CAPN9: variants seen among roughly 807,000 people sequenced by gnomAD.
The protein encoded by CAPN9 is calpain 9.
Under a neutral mutation model 92.8 loss-of-function variants are expected in CAPN9, and 81 were observed. The observed-to-expected ratio is 0.87, with a 90% CI of 0.73 to 1.05. The LOEUF (loss-of-function observed/expected upper bound fraction) is 1.05, where lower values mean the gene tolerates loss of function less well. CAPN9 is among the 50% of genes least tolerant of loss of function. CAPN9 has a pLI of 0.00. For synonymous variants in CAPN9, 304 were observed against 328.0 expected, an observed-to-expected ratio of 0.93 and a Z score of 0.79; for missense variants, 848 against 866.2, an observed-to-expected ratio of 0.98 and a Z score of 0.26.
intron 1 of CAPN9, among the ~76,000 whole-genome samples, chr1:230,749,190 C>T (rs1158754648): frequency 6.6e-6 from 1 of 152,202 alleles, no homozygotes; most frequent in Non-Finnish European, 1.5e-5. Context: ...CTCCCAGGCA[C>T]CTTCCTCACC....
intron 14 of CAPN9, among the ~76,000 whole-genome samples, chr1:230,790,706 C>T (rs1485263162): frequency 2.0e-5 from 3 of 152,100 alleles, no homozygotes; most frequent in Admixed American, 1.3e-4. Flanking sequence ...TTTGGGAGGC[C>T]GAGACAGGCG....
At chr1:230,773,642 C>T (rs372284399) in intron 7 of CAPN9, among the ~76,000 whole-genome samples, 1 of 152,176 alleles carries the variant, frequency 6.6e-6, no homozygotes, top group Non-Finnish European at 1.5e-5. Flanking sequence ...GCATGGCCAG[C>T]CTGTCAGGCC....
At position 230,755,339 on chromosome 1, in the gene CAPN9, A is replaced by G; in HGVS notation, c.216A>G (p.Glu72=). The part of the protein sequence containing the change: ...QIPFVWKRPG[E]IVKNPEFILG... The stretch of plus-strand genomic sequence containing the variant: ...TAATAACACTCTCATTCCTCCAGGA[A>G]ATCGTGAAAAACCCAGAATTCATTC... Residue 72 remains glutamate, a splice_region_variant and synonymous_variant, in exon 2 of 20, where the codon GAA becomes GAG. Coordinates refer to ENST00000271971, the MANE Select transcript of CAPN9 (RefSeq NM_006615.3). 2 of 1,609,970 alleles carry G rather than the reference A, an allele frequency of 1.2e-6. No individual in the cohort carries two copies. Among genetic ancestry groups the G allele is most frequent in the Non-Finnish European group, 8.5e-7 (1 of 1,177,940 alleles).
At chr1:230,762,151 G>A (rs1665687459) in intron 3 of CAPN9, among the ~76,000 whole-genome samples, 1 of 152,200 alleles carries the variant, frequency 6.6e-6, no homozygotes, top group African/African-American at 2.4e-5. Flanking sequence ...CCTCCTATGT[G>A]AATGGCCAAC....
chr1:230,798,557 G>A (rs537009844), intron 19 of CAPN9, among the ~76,000 whole-genome samples: 1 of 152,252 alleles, frequency 6.6e-6, no homozygotes, highest in South Asian at 2.1e-4. Context: ...TAGCCTGCCT[G>A]CCTTCCAGCT....
In CAPN9 at chr1:230,780,347, A is replaced by G. The variant is rs1317719194; in HGVS notation, c.1272+11A>G. On this transcript the variant is annotated intron_variant, in intron 10 of 19. Coordinates refer to ENST00000271971, the MANE Select transcript of CAPN9 (RefSeq NM_006615.3). ...TATGCCATTTATGAGGTAGGTGGGA[A>G]CCACACTGCATTTCAGAGTTCTCCA... The G allele has an allele frequency of 2.3e-5, 37 of 1,612,992 alleles. No individual in the cohort carries two copies. The highest frequency in any genetic ancestry group is 3.1e-5 in the Non-Finnish European group (36 of 1,179,562).
At chr1:230,765,216 C>T (rs1176451060) in intron 4 of CAPN9, among the ~76,000 whole-genome samples, 1 of 68,998 alleles carries the variant, frequency 1.4e-5, no homozygotes, top group Non-Finnish European at 2.8e-5. Context: ...ATGCAAGACA[C>T]ACACACACAC....
At chr1:230,752,946 A>G (rs1664940944) in intron 1 of CAPN9, among the ~76,000 whole-genome samples, 1 of 151,828 alleles carries the variant, frequency 6.6e-6, no homozygotes, top group African/African-American at 2.4e-5. Context: ...TATTCCTGGG[A>G]CTCTATTGAG....
In CAPN9 at chr1:230,752,709, C is replaced by T. The variant is rs1000042529; in HGVS notation, c.214-2628C>T. The T allele has an allele frequency of 1.9e-5, 19 of 984,964 alleles. No individual in the cohort carries two copies. In the African/African-American group the frequency reaches 3.3e-4, roughly 17 times the overall value. The allele number at this position is 984,964 out of a possible 1,614,324, so 61.0% of individuals were successfully genotyped here. ...GTGGCTTTTGGAGTACATTTTATGT[C>T]CACTTGAGGAGTGAGTAGCATTGGC... On this transcript the variant is annotated intron_variant, in intron 1 of 19. Coordinates refer to ENST00000271971, the MANE Select transcript of CAPN9 (RefSeq NM_006615.3).
chr1:230,747,767 C>T (rs1322241190), intron 1 of CAPN9, 58 bp downstream of exon 1: 11 of 1,505,596 alleles, frequency 7.3e-6, no homozygotes, highest in Admixed American at 5.1e-5. Flanking sequence ...GCAGCCCCCG[C>T]AGGAAGTGGA....
chr1:230,778,005 C>T (rs1037884679), intron 8 of CAPN9, among the ~76,000 whole-genome samples: 1 of 152,144 alleles, frequency 6.6e-6, no homozygotes, highest in South Asian at 2.1e-4. Flanking sequence ...AGCTCCTTTC[C>T]CCAGGATTCC....
chr1:230,767,525 C>A lies in CAPN9; in HGVS notation c.537-16C>A, dbSNP rs115285515. 1.9e-6 allele frequency: 3 copies of A among 1,598,404 alleles called. No homozygotes were observed. In the South Asian group the frequency reaches 3.4e-5, roughly 18 times the overall value. ...AGGTCCCTGACTCTCTCCTCTCTCT[C>A]TTGCCACCCTTGCAGGCTAAATGGG... On this transcript the variant is annotated splice_polypyrimidine_tract_variant and intron_variant, in intron 4 of 19. Coordinates refer to ENST00000271971, the MANE Select transcript of CAPN9 (RefSeq NM_006615.3).
chr1:230,795,156 C>A lies in CAPN9; in HGVS notation c.1871-7C>A. On this transcript the variant is annotated splice_polypyrimidine_tract_variant and splice_region_variant and intron_variant, in intron 17 of 19. Transcript: ENST00000271971. ...CGAGTCCTGGGTCTCCTCCTTTGTCCCCACAGGCTTTCAGCTGAGCAGCCA... is the reference window on the plus strand; with the variant it reads ...CGAGTCCTGGGTCTCCTCCTTTGTCACCACAGGCTTTCAGCTGAGCAGCCA... The A allele has an allele frequency of 6.3e-7, 1 of 1,589,788 alleles. No individual in the cohort carries two copies. Among genetic ancestry groups the A allele is most frequent in the Non-Finnish European group, 8.6e-7 (1 of 1,158,868 alleles).
chr1:230,793,065 G>A (rs373418984), intron 17 of CAPN9, 137 bp downstream of exon 17: 29 of 675,034 alleles, frequency 4.3e-5, no homozygotes, highest in South Asian at 1.8e-4. Context: ...TTAAGGTCAC[G>A]GCCCTTGGAG....
chr1:230,780,097 TGTG>T, intron 9 of CAPN9, 79 bp from the exon 10 acceptor site: 1 of 871,182 alleles, frequency 1.1e-6, no homozygotes, highest in Non-Finnish European at 1.8e-6. Context: ...TGTGTGTGTG[TGTG>T]TGTGTGTGTG....
At chr1:230,759,712 C>A (rs1438773171) in intron 3 of CAPN9, 82 bp downstream of exon 3, 8 of 859,182 alleles carry the variant, frequency 9.3e-6, no homozygotes, top group Admixed American at 5.2e-5. Context: ...TGCCTGGTAA[C>A]CCTAGAAAAA....
chr1:230,773,727 C>T (rs1303606374), intron 7 of CAPN9, among the ~76,000 whole-genome samples: 3 of 152,088 alleles, frequency 2.0e-5, no homozygotes, highest in Admixed American at 2.0e-4. Flanking sequence ...CTCTTCTGAC[C>T]CTGGCCCGAG....
chr1:230,763,595 T>C (rs1028463042), intron 4 of CAPN9, among the ~76,000 whole-genome samples: 1 of 152,160 alleles, frequency 6.6e-6, no homozygotes, highest in Non-Finnish European at 1.5e-5. Context: ...CTGAATTTGA[T>C]CCACAGATGA....
intron 1 of CAPN9, among the ~76,000 whole-genome samples, chr1:230,753,994 G>T (rs997249649): frequency 3.3e-5 from 5 of 152,004 alleles, no homozygotes; most frequent in African/African-American, 1.2e-4. Context: ...TTTATGGTTT[G>T]TCTCTTCCTC....
Sources: allele counts gnomAD v4.1 joint callset (sites outside exome capture counted in the v4.1 genomes callset), GRCh38; gene constraint gnomAD v4.1.1; transcripts MANE v1.5; gene names NCBI Gene and HGNC (gene_info 2026-07-23, HGNC 2026-07-21).